Variants in DRD4 observed in about 807,000 individuals in gnomAD.
DRD4 encodes the protein D(4) dopamine receptor.
DRD4 carries 26 observed loss-of-function variants against 22.1 expected under a neutral mutation model. The ratio of observed to expected loss-of-function variants is 1.17; its 90% CI spans 0.86 to 1.63. The LOEUF (loss-of-function observed/expected upper bound fraction) is 1.63. DRD4 is among the 40% of genes most tolerant of loss of function. The pLI, the probability that DRD4 is intolerant of heterozygous loss-of-function variation, is 0.00. For synonymous variants in DRD4, 455 were observed against 306.7 expected (o/e 1.48, Z -5.05); for missense variants, 913 against 632.4 (o/e 1.44, Z -4.76).
rs530667609 is a variant in DRD4, at chr11:639,314, G to C, written c.286-119G>C. 1.8e-4 allele frequency: 166 copies of C among 943,460 alleles called. No homozygotes were observed. In the African/African-American group the frequency reaches 2.6e-3, roughly 15 times the overall value. The allele number at this position is 943,460 out of a possible 1,614,324, so 58.4% of individuals were successfully genotyped here. ...TTCCCTGCCCGGTCCTCTGGCCTCT[G>C]GCTCACAGCCGGGCCCCCTTCTCCG... On this transcript the variant is annotated intron_variant, in intron 1 of 3. Transcript: ENST00000176183.
rs1456224088 is a variant in DRD4, at chr11:637,420, TGGG to T, written c.120_122del (p.Gly41del). 12 of 1,521,584 alleles carry T rather than the reference TGGG, an allele frequency of 7.9e-6. No individual in the cohort carries two copies. The highest frequency in any genetic ancestry group is 2.2e-4 in the Middle Eastern group (1 of 4,502). The allele number at this position is 1,521,584 out of a possible 1,614,324, so 94.3% of individuals were successfully genotyped here. A position where few individuals can be genotyped will look rare whatever the true frequency, so the allele number is the denominator to read the frequency against. On this transcript the variant is annotated inframe_deletion, in exon 1 of 4. Coordinates refer to ENST00000176183, the MANE Select transcript of DRD4 (RefSeq NM_000797.4). ...GCTGGGCAGGGCGCGGCGGCGCTGG[TGGG>T]GGGCGTGCTGCTCATCGGCGCGGTG...
At position 640,017 on chromosome 11, in the gene DRD4, C is replaced by A. The variant is rs1439692016; in HGVS notation, c.768C>A (p.Asp256Glu). The A allele has an allele frequency of 1.6e-6, 2 of 1,226,600 alleles. No homozygotes were observed. Among genetic ancestry groups the A allele is most frequent in the Non-Finnish European group, 2.0e-6 (2 of 984,352 alleles). 76.0% of individuals were successfully genotyped at this position (1,226,600 alleles called of 1,614,324 possible). A position where few individuals can be genotyped will look rare whatever the true frequency, so the allele number is the denominator to read the frequency against. The change falls in exon 3 of 4, where the codon GAC (aspartate) becomes GAA (glutamate). Residue 256 changes from aspartate (D) to glutamate (E), a missense_variant. Asp to Glu is a conservative substitution (Grantham distance 45). Coordinates refer to ENST00000176183, the MANE Select transcript of DRD4 (RefSeq NM_000797.4). ...PTPPAPRLPQDPCGPDCAPPA... is the reference protein window; with the variant it reads ...PTPPAPRLPQEPCGPDCAPPA... ...CACCCGCGCCCCGCCTCCCCCAGGA[C>A]CCCTGCGGCCCCGACTGTGCGCCCC... is the stretch of plus-strand genomic sequence containing the variant.
In DRD4 at chr11:639,728, G is replaced by C; in HGVS notation, c.479G>C (p.Trp160Ser). 4.0e-6 allele frequency: 6 copies of C among 1,518,456 alleles called. No homozygotes were observed. The highest frequency in any genetic ancestry group is 5.3e-6 in the Non-Finnish European group (6 of 1,141,594). 94.1% of individuals were successfully genotyped at this position (1,518,456 alleles called of 1,614,324 possible). ...CAGCTGCTGCTCATCGGCGCCACGT[G>C]GCTGCTGTCCGCGGCGGTGGCGGCG... is the stretch of plus-strand genomic sequence containing the variant. Reference protein sequence around the residue: ...RRQLLLIGATWLLSAAVAAPV... With the variant: ...RRQLLLIGATSLLSAAVAAPV... The change falls in exon 3 of 4, where the codon TGG becomes TCG. Residue 160 changes from tryptophan (W) to serine (S), a missense_variant. Coordinates refer to ENST00000176183, the MANE Select transcript of DRD4 (RefSeq NM_000797.4).
rs1564914505 is a variant in DRD4 at position 640,481 on chromosome 11, CGGCTGGTCAGCGCCGTCACCT to C, written c.1145_1165del (p.Val382_Leu388del). 1.0e-5 allele frequency: 16 copies of C among 1,602,166 alleles called. No homozygotes were observed. The highest frequency in any genetic ancestry group is 1.3e-5 in the African/African-American group (1 of 74,932). ...GTGTCCTGCCTGCTCCGTGCCCCCGCGGCTGGTCAGCGCCGTCACCTGGCTGGGCTACGTCAACAGCGCCCT... is the reference window on the plus strand; with the variant it reads ...GTGTCCTGCCTGCTCCGTGCCCCCGCGGCTGGGCTACGTCAACAGCGCCCT... On this transcript the variant is annotated inframe_deletion, in exon 4 of 4. Transcript: ENST00000176183.
chr11:637,407 G>A lies in DRD4; in HGVS notation c.103G>A (p.Ala35Thr), dbSNP rs1858084708. 1.3e-6 allele frequency: 2 copies of A among 1,492,746 alleles called. No homozygotes were observed. The highest frequency in any genetic ancestry group is 2.7e-5 in the East Asian group (1 of 37,048). The allele number at this position is 1,492,746 out of a possible 1,614,324, so 92.5% of individuals were successfully genotyped here. Reference sequence around the variant, plus strand: ...ATCTGCGGGGCTGGCTGGGCAGGGCGCGGCGGCGCTGGTGGGGGGCGTGCT... The same window carrying A: ...ATCTGCGGGGCTGGCTGGGCAGGGCACGGCGGCGCTGGTGGGGGGCGTGCT... ...GASAGLAGQG[A>T]AALVGGVLLI... Residue 35 changes from alanine (A) to threonine (T), a missense_variant, in exon 1 of 4, where the codon GCG (alanine) becomes ACG (threonine). Transcript: ENST00000176183.
Position 639,724 on chromosome 11 carries a change from A to C in DRD4, c.475A>C (p.Thr159Pro). ...CCGGCAGCTGCTGCTCATCGGCGCC[A>C]CGTGGCTGCTGTCCGCGGCGGTGGC... is the stretch of plus-strand genomic sequence containing the variant. ...SRRQLLLIGA[T>P]WLLSAAVAAP... The change falls in exon 3 of 4, where the codon ACG becomes CCG. Residue 159 changes from threonine (T) to proline (P), a missense_variant. Physicochemically the swap from Thr to Pro is conservative, Grantham distance 38. Transcript: ENST00000176183. 1 of 1,512,326 alleles carries C rather than the reference A, an allele frequency of 6.6e-7. No individual in the cohort carries two copies. Among genetic ancestry groups the C allele is most frequent in the South Asian group, 1.2e-5 (1 of 82,364 alleles). 93.7% of individuals were successfully genotyped at this position (1,512,326 alleles called of 1,614,324 possible).
chr11:639,664 G>T lies in DRD4; in HGVS notation c.415G>T (p.Val139Leu), dbSNP rs1338486960. ...TCCCCGCAGGTTCGTGGCCGTGGCC[G>T]TGCCGCTGCGCTACAACCGGCAGGG... ...ISVDRFVAVA[V>L]PLRYNRQGGS... Residue 139 changes from valine to leucine, a missense_variant, in exon 3 of 4, where the codon GTG (valine) becomes TTG (leucine). Coordinates refer to ENST00000176183, the MANE Select transcript of DRD4 (RefSeq NM_000797.4). 1.4e-6 allele frequency: 2 copies of T among 1,463,510 alleles called. No individual in the cohort carries two copies. Among genetic ancestry groups the T allele is most frequent in the Non-Finnish European group, 1.8e-6 (2 of 1,112,190 alleles). The allele number at this position is 1,463,510 out of a possible 1,614,324, so 90.7% of individuals were successfully genotyped here.
rs558411160 is a variant in DRD4 at position 639,518 on chromosome 11, T to C, written c.371T>C (p.Phe124Ser). ...GTCATGCTGTGCACCGCCTCCATCT[T>C]CAACCTGTGCGCCATCAGCGTGGAC... is the stretch of plus-strand genomic sequence containing the variant. ...MDVMLCTASI[F>S]NLCAISVDRF... Residue 124 changes from phenylalanine to serine, a missense_variant, in exon 2 of 4, where the codon TTC becomes TCC. By Grantham distance (155) the Phe-to-Ser change is radical. Coordinates refer to ENST00000176183, the MANE Select transcript of DRD4 (RefSeq NM_000797.4). 6.2e-7 allele frequency: 1 copy of C among 1,601,614 alleles called. No individual in the cohort carries two copies. The highest frequency in any genetic ancestry group is 1.1e-5 in the South Asian group (1 of 90,682).
At position 639,436 on chromosome 11, in the gene DRD4, C is replaced by G. The variant is rs754426259; in HGVS notation, c.289C>G (p.Gln97Glu). 6.3e-7 allele frequency: 1 copy of G among 1,590,850 alleles called. No individual in the cohort carries two copies. The highest frequency in any genetic ancestry group is 8.5e-7 in the Non-Finnish European group (1 of 1,175,578). Residue 97 changes from glutamine to glutamate, a missense_variant, in exon 2 of 4, where the codon CAG (glutamine) becomes GAG (glutamate). Physicochemically the swap from Gln to Glu is conservative, Grantham distance 29. Coordinates refer to ENST00000176183, the MANE Select transcript of DRD4 (RefSeq NM_000797.4). ...GGCCTGTGGTGTCGCCGCGCAGGTC[C>G]AGGGTGGCGCGTGGCTGCTGAGCCC... ...VLPLFVYSEV[Q>E]GGAWLLSPRL...
rs867503103 is a variant in DRD4 at position 640,457 on chromosome 11, T to C, written c.1114T>C (p.Cys372Arg). 1.9e-6 allele frequency: 3 copies of C among 1,601,978 alleles called. No individual in the cohort carries two copies. Among genetic ancestry groups the C allele is most frequent in the Non-Finnish European group, 2.5e-6 (3 of 1,179,782 alleles). Residue 372 changes from cysteine (C) to arginine (R), a missense_variant, in exon 4 of 4, where the codon TGT becomes CGT. Transcript: ENST00000176183. ...FFVVHITQAL[C>R]PACSVPPRLV... is the part of the protein sequence containing the mutation. ...CGTGGTGCACATCACGCAGGCGCTG[T>C]GTCCTGCCTGCTCCGTGCCCCCGCG...
At chr11:638,317 G>A (rs1589957351) in intron 1 of DRD4, among the ~76,000 whole-genome samples, 2 of 152,184 alleles carry the variant, frequency 1.3e-5, no homozygotes, top group African/African-American at 4.8e-5. Context: ...GGGACTCGAG[G>A]TTTCCCCTTG....
In DRD4 at chr11:639,958, C is replaced by T; in HGVS notation, c.709C>T (p.Arg237Ter). The change falls in exon 3 of 4, where the codon CGA becomes TGA. Residue 237 changes from arginine (R) to a stop codon, truncating the protein, a stop_gained. Coordinates refer to ENST00000176183, the MANE Select transcript of DRD4 (RefSeq NM_000797.4). LOFTEE classifies it high-confidence loss of function. The part of the protein sequence containing the change: ...RAKLHGRAPR[R>*]PSGPGPPSPT... The stretch of plus-strand genomic sequence containing the variant: ...CAAGCTGCACGGCCGCGCGCCCCGC[C>T]GACCCAGCGGCCCTGGCCCGCCTTC... 1.3e-6 allele frequency: 2 copies of T among 1,493,502 alleles called. No individual in the cohort carries two copies. The highest frequency in any genetic ancestry group is 8.9e-7 in the Non-Finnish European group (1 of 1,126,878). 92.5% of individuals were successfully genotyped at this position (1,493,502 alleles called of 1,614,324 possible). A position where few individuals can be genotyped will look rare whatever the true frequency, so the allele number is the denominator to read the frequency against.
intron 1 of DRD4, 143 bp downstream of exon 1, chr11:637,732 C>G: frequency 4.9e-6 from 7 of 1,441,156 alleles, no homozygotes; most frequent in Non-Finnish European, 6.5e-6. Flanking sequence ...GCGCCTTGTC[C>G]CTCGGCGATA....
At position 640,263 on chromosome 11, in the gene DRD4, C is replaced by A; in HGVS notation, c.1014C>A (p.Thr338=). ...QTRRRRRAKI[T]GRERKAMRVL... is the part of the protein sequence containing the mutation. The stretch of plus-strand genomic sequence containing the variant: ...GCAGGAGGCGGCGTGCCAAGATCAC[C>A]GGCCGGGAGCGCAAGGCCATGAGGG... The change falls in exon 3 of 4, where the codon ACC becomes ACA. Residue 338 remains threonine, a synonymous_variant. Transcript: ENST00000176183. 3 of 1,533,582 alleles carry A rather than the reference C, an allele frequency of 2.0e-6. No homozygotes were observed. Among genetic ancestry groups the A allele is most frequent in the Non-Finnish European group, 2.6e-6 (3 of 1,146,694 alleles). 95.0% of individuals were successfully genotyped at this position (1,533,582 alleles called of 1,614,324 possible).
chr11:639,861 C>G lies in DRD4; in HGVS notation c.612C>G (p.Pro204=). 1 of 1,585,058 alleles carries G rather than the reference C, an allele frequency of 6.3e-7. No homozygotes were observed. Among genetic ancestry groups the G allele is most frequent in the South Asian group, 1.1e-5 (1 of 89,774 alleles). Residue 204 remains proline (P), a synonymous_variant, in exon 3 of 4, where the codon CCC becomes CCG. Transcript: ENST00000176183. ...VYSSVCSFFL[P]CPLMLLLYWA... ...CGTCCGTGTGCTCCTTCTTCCTACCCTGCCCGCTCATGCTGCTGCTCTACT... is the reference window on the plus strand; with the variant it reads ...CGTCCGTGTGCTCCTTCTTCCTACCGTGCCCGCTCATGCTGCTGCTCTACT...
At position 639,675 on chromosome 11, in the gene DRD4, C is replaced by T; in HGVS notation, c.426C>T (p.Arg142=). 3 of 1,470,822 alleles carry T rather than the reference C, an allele frequency of 2.0e-6. 1 individual carries two copies. In the South Asian group the frequency reaches 3.8e-5, roughly 19 times the overall value. 91.1% of individuals were successfully genotyped at this position (1,470,822 alleles called of 1,614,324 possible). The change falls in exon 3 of 4, where the codon CGC becomes CGT. Residue 142 remains arginine, a synonymous_variant. Transcript: ENST00000176183. ...DRFVAVAVPL[R]YNRQGGSRRQ... ...TCGTGGCCGTGGCCGTGCCGCTGCG[C>T]TACAACCGGCAGGGTGGGAGCCGCC... is the stretch of plus-strand genomic sequence containing the variant.
In DRD4 at chr11:637,419, G is replaced by C; in HGVS notation, c.115G>C (p.Val39Leu). The C allele has an allele frequency of 6.6e-7, 1 of 1,522,108 alleles. No homozygotes were observed. The highest frequency in any genetic ancestry group is 1.4e-5 in the African/African-American group (1 of 71,716). 94.3% of individuals were successfully genotyped at this position (1,522,108 alleles called of 1,614,324 possible). A position where few individuals can be genotyped will look rare whatever the true frequency, so the allele number is the denominator to read the frequency against. Residue 39 changes from valine to leucine, a missense_variant, in exon 1 of 4, where the codon GTG becomes CTG. Physicochemically the swap from Val to Leu is conservative, Grantham distance 32 (BLOSUM62 1). Coordinates refer to ENST00000176183, the MANE Select transcript of DRD4 (RefSeq NM_000797.4). ...GGCTGGGCAGGGCGCGGCGGCGCTG[G>C]TGGGGGGCGTGCTGCTCATCGGCGC... ...GLAGQGAAAL[V>L]GGVLLIGAVL...
Position 639,427 on chromosome 11 carries a change from G to A in DRD4, c.286-6G>A. ...AAACCTCAGGGCCTGTGGTGTCGCCGCGCAGGTCCAGGGTGGCGCGTGGCT... is the reference window on the plus strand; with the variant it reads ...AAACCTCAGGGCCTGTGGTGTCGCCACGCAGGTCCAGGGTGGCGCGTGGCT... On this transcript the variant is annotated splice_polypyrimidine_tract_variant and splice_region_variant and intron_variant, in intron 1 of 3. Coordinates refer to ENST00000176183, the MANE Select transcript of DRD4 (RefSeq NM_000797.4). 6.3e-7 allele frequency: 1 copy of A among 1,584,642 alleles called. No individual in the cohort carries two copies. The highest frequency in any genetic ancestry group is 8.5e-7 in the Non-Finnish European group (1 of 1,172,988).
In DRD4 at chr11:638,410, C is replaced by T. The variant is rs555962517; in HGVS notation, c.285+821C>T. On this transcript the variant is annotated intron_variant, in intron 1 of 3. Transcript: ENST00000176183. ...ACCTGTGCTCCTTTCGAGCCGCAGA[C>T]GTCACAGTGACGACGTTTAAGCTCC... is the stretch of plus-strand genomic sequence containing the variant. Among the ~76,000 whole-genome samples, 141 of 152,280 alleles carry T rather than the reference C, an allele frequency of 9.3e-4. 1 individual carries two copies. Among genetic ancestry groups the T allele is most frequent in the African/African-American group, 3.1e-3 (127 of 41,550 alleles).
Sources: allele counts gnomAD v4.1 joint callset (sites outside exome capture counted in the v4.1 genomes callset), GRCh38; gene constraint gnomAD v4.1.1; transcripts MANE v1.5; gene names NCBI Gene and HGNC (gene_info 2026-07-23, HGNC 2026-07-21).